Variants in FBXO31 observed in about 807,000 individuals in gnomAD.
The protein encoded by FBXO31 is F-box only protein 31.
Under a neutral mutation model 54.4 loss-of-function variants are expected in FBXO31, and 24 were observed. That is an observed-to-expected ratio of 0.44 (90% CI 0.32 to 0.62). The LOEUF (loss-of-function observed/expected upper bound fraction) is 0.62, where lower values mean the gene tolerates loss of function less well. FBXO31 is among the 20% of genes least tolerant of loss of function. The probability of loss-of-function intolerance (pLI) is 0.05; values close to 1 mark genes in which losing one functional copy is unlikely to be tolerated. For missense variants in FBXO31, 665 were observed against 787.1 expected, an observed-to-expected ratio of 0.84 and a Z score of 1.86; for synonymous variants, 388 against 335.6, an observed-to-expected ratio of 1.16 and a Z score of -1.71.
chr16:87,335,465 G>C lies in FBXO31; in HGVS notation c.843-8C>G, dbSNP rs748004140. ...CGGTAGGTCAGGCAGTTGCTGTGGG[G>C]AGCGGACGGGTCAGTACAGGAGACC... On this transcript the variant is annotated splice_region_variant and splice_polypyrimidine_tract_variant and intron_variant, in intron 6 of 8. Transcript: ENST00000311635. This position sits in a 1 kb window ranked among gnomAD's most constrained non-coding sequence, Gnocchi z 5.7. The C allele has an allele frequency of 2.5e-6, 4 of 1,610,816 alleles. No individual in the cohort carries two copies. Among genetic ancestry groups the C allele is most frequent in the Non-Finnish European group, 2.5e-6 (3 of 1,179,364 alleles).
At chr16:87,370,636 G>C (rs1906561523) in intron 1 of FBXO31, among the ~76,000 whole-genome samples, 1 of 152,178 alleles carries the variant, frequency 6.6e-6, no homozygotes, top group South Asian at 2.1e-4. Flanking sequence ...GGAACCCGAG[G>C]GAGAGGGCCC....
In FBXO31 at chr16:87,339,071, G is replaced by A. The variant is rs139618738; in HGVS notation, c.733-2807C>T. ...GATTTGAGGCCTCCCCAGCCACATG[G>A]AACTGTGAGTCCATGCAACCTCTTT... On this transcript the variant is annotated intron_variant, in intron 5 of 8. Transcript: ENST00000311635. Among the ~76,000 whole-genome samples, 974 of 152,272 alleles carry A rather than the reference G, an allele frequency of 6.4e-3. 4 individuals carry two copies. The highest frequency in any genetic ancestry group is 0.014 in the Middle Eastern group (4 of 292).
rs1434984807 is a variant in FBXO31, at chr16:87,328,355, G to C, written c.*2933C>G. 6 of 152,544 alleles carry C rather than the reference G, an allele frequency of 3.9e-5. No homozygotes were observed. The highest frequency in any genetic ancestry group is 7.3e-5 in the Non-Finnish European group (5 of 68,296). 9.4% of individuals were successfully genotyped at this position (152,544 alleles called of 1,614,324 possible). ...CTCGTGTGCCAGGTGGGCTTGCTAG[G>C]GGCACAGGTGCCCAGTGTCAGGGCA... On this transcript the variant is annotated 3_prime_UTR_variant, in exon 9 of 9. Coordinates refer to ENST00000311635, the MANE Select transcript of FBXO31 (RefSeq NM_024735.5).
intron 5 of FBXO31, among the ~76,000 whole-genome samples, chr16:87,342,490 C>T (rs1336761774): frequency 2.0e-5 from 3 of 152,228 alleles, no homozygotes; most frequent in East Asian, 1.9e-4. Flanking sequence ...AGCCTCCACA[C>T]GGTCTGCTCA....
intron 2 of FBXO31, among the ~76,000 whole-genome samples, chr16:87,350,646 G>A (rs920048749): frequency 6.6e-6 from 1 of 152,160 alleles, no homozygotes; most frequent in Non-Finnish European, 1.5e-5. Flanking sequence ...GCGGCTGGGT[G>A]ATAACAAAAT....
intron 1 of FBXO31, among the ~76,000 whole-genome samples, chr16:87,374,017 T>C (rs1906715422): frequency 6.6e-6 from 1 of 151,542 alleles, no homozygotes; most frequent in Non-Finnish European, 1.5e-5. Context: ...AGGCAGGAGG[T>C]TCCCTTGAGG....
chr16:87,331,376 C>G lies in FBXO31; in HGVS notation c.1532G>C (p.Arg511Pro). Residue 511 changes from arginine to proline, a missense_variant, in exon 9 of 9, where the codon CGG becomes CCG. Coordinates refer to ENST00000311635, the MANE Select transcript of FBXO31 (RefSeq NM_024735.5). Reference protein sequence around the residue: ...LELKSFSLYSRVQATFRNADA... With the variant: ...LELKSFSLYSPVQATFRNADA... ...TGCGTTCCGGAAGGTGGCCTGGACCCGGCTGTACAGGCTGAAGGATTTCAG... is the reference window on the plus strand; with the variant it reads ...TGCGTTCCGGAAGGTGGCCTGGACCGGGCTGTACAGGCTGAAGGATTTCAG... 3 of 1,613,978 alleles carry G rather than the reference C, an allele frequency of 1.9e-6. No individual in the cohort carries two copies. Among genetic ancestry groups the G allele is most frequent in the Non-Finnish European group, 2.5e-6 (3 of 1,180,034 alleles).
chr16:87,343,562 G>C (rs1905259281), intron 4 of FBXO31, 36 bp downstream of exon 4: 2 of 1,564,086 alleles, frequency 1.3e-6, no homozygotes, highest in Non-Finnish European at 1.7e-6. Context: ...GGACAGCCCT[G>C]GGACAGTGAG....
At chr16:87,356,403 C>T (rs538872743) in intron 2 of FBXO31, among the ~76,000 whole-genome samples, 2 of 152,272 alleles carry the variant, frequency 1.3e-5, no homozygotes, top group Non-Finnish European at 2.9e-5. Flanking sequence ...TGTCTTCAAA[C>T]GTTGCCCACC....
chr16:87,348,768 C>T (rs544307908), intron 2 of FBXO31, among the ~76,000 whole-genome samples: 6 of 152,288 alleles, frequency 3.9e-5, no homozygotes, highest in East Asian at 3.9e-4. Context: ...TGCACTCACC[C>T]GGGACACCCA....
chr16:87,359,355 T>C (rs966640857), intron 2 of FBXO31, among the ~76,000 whole-genome samples: 1 of 152,146 alleles, frequency 6.6e-6, no homozygotes, highest in Non-Finnish European at 1.5e-5. Flanking sequence ...GAGGACTCAG[T>C]GCTCAGGCAA....
intron 2 of FBXO31, among the ~76,000 whole-genome samples, chr16:87,353,456 G>A (rs900578520): frequency 3.3e-5 from 5 of 152,254 alleles, no homozygotes; most frequent in South Asian, 4.1e-4. Flanking sequence ...CCGTGAGCAC[G>A]TTAGGGTAAA....
intron 5 of FBXO31, among the ~76,000 whole-genome samples, chr16:87,337,689 G>C (rs934337907): frequency 2.1e-5 from 3 of 140,000 alleles, no homozygotes; most frequent in African/African-American, 7.3e-5. Flanking sequence ...TTTCAGCAAG[G>C]TGCTCCGTCA....
Position 87,383,732 on chromosome 16 carries a change from C to T in FBXO31, c.13G>A (p.Ala5Thr). The change falls in exon 1 of 9, where the codon GCT (alanine) becomes ACT (threonine). Residue 5 changes from alanine (A) to threonine (T), a missense_variant. Ala to Thr is a moderately conservative substitution (Grantham distance 58). This residue lies in a region of FBXO31 where 195 missense variants were observed against 174.8 expected (regional missense o/e 1.12). Coordinates refer to ENST00000311635, the MANE Select transcript of FBXO31 (RefSeq NM_024735.5). The surrounding 1 kb of genome is among the most constrained non-coding windows in gnomAD (Gnocchi z 4.9). The part of the protein sequence containing the change: MAVC[A>T]RLCGVGPSRG... ...GACGGGCCCACGCCGCAAAGGCGAG[C>T]ACACACCGCCATGCCGCCCAGTGAC... 2 of 1,226,816 alleles carry T rather than the reference C, an allele frequency of 1.6e-6. No individual in the cohort carries two copies. Among genetic ancestry groups the T allele is most frequent in the Non-Finnish European group, 2.0e-6 (2 of 987,926 alleles). 76.0% of individuals were successfully genotyped at this position (1,226,816 alleles called of 1,614,324 possible). A position where few individuals can be genotyped will look rare whatever the true frequency, so the allele number is the denominator to read the frequency against.
chr16:87,335,161 C>T lies in FBXO31; in HGVS notation c.996+143G>A. On this transcript the variant is annotated intron_variant, in intron 7 of 8. Coordinates refer to ENST00000311635, the MANE Select transcript of FBXO31 (RefSeq NM_024735.5). This position sits in a 1 kb window ranked among gnomAD's most constrained non-coding sequence, Gnocchi z 5.7. ...GGCTGGGGCCCGAGAATCTGCTTTC[C>T]CAAGCTCCCGGGGCTGCAGGTGCAA... 2 of 1,208,816 alleles carry T rather than the reference C, an allele frequency of 1.7e-6. No homozygotes were observed. The highest frequency in any genetic ancestry group is 2.3e-6 in the Non-Finnish European group (2 of 851,882). The allele number at this position is 1,208,816 out of a possible 1,614,324, so 74.9% of individuals were successfully genotyped here.
rs560538461 is a variant in FBXO31, at chr16:87,344,816, G to C, written c.490-1051C>G. Among the ~76,000 whole-genome samples, 5 of 152,298 alleles carry C rather than the reference G, an allele frequency of 3.3e-5. No homozygotes were observed. The South Asian group carries it at 1.0e-3, about 32-fold the overall frequency. ...GCCCAACACAACAAACGCAGAGCGG[G>C]TTTCTCCACAGCGGCTCCCAGCAGA... On this transcript the variant is annotated intron_variant, in intron 3 of 8. Coordinates refer to ENST00000311635, the MANE Select transcript of FBXO31 (RefSeq NM_024735.5).
intron 2 of FBXO31, among the ~76,000 whole-genome samples, chr16:87,351,319 G>A (rs1028380266): frequency 9.2e-5 from 14 of 152,122 alleles, no homozygotes; most frequent in Non-Finnish European, 1.8e-4. Flanking sequence ...ATACCCTAAT[G>A]CCTCACCATT....
chr16:87,365,787 C>G (rs951072376), intron 1 of FBXO31, among the ~76,000 whole-genome samples: 4 of 152,168 alleles, frequency 2.6e-5, no homozygotes, highest in African/African-American at 9.7e-5. Context: ...AATCCCAGCA[C>G]TTTGGGAGGC....
intron 1 of FBXO31, chr16:87,389,652 G>C (rs781570103): frequency 1.3e-5 from 2 of 152,170 alleles, no homozygotes; most frequent in Non-Finnish European, 2.9e-5. Flanking sequence ...ATCCAGAAAA[G>C]AAAGCAACAC....
Sources: allele counts gnomAD v4.1 joint callset (sites outside exome capture counted in the v4.1 genomes callset), GRCh38; gene constraint gnomAD v4.1.1; regional missense constraint gnomAD v4.1.1; non-coding constraint Gnocchi (gnomAD v3.1); transcripts MANE v1.5; gene names NCBI Gene and HGNC (gene_info 2026-07-23, HGNC 2026-07-21).